The following SMOC1 variants were observed in gnomAD, a reference collection of about 807,000 sequenced individuals.
SMOC1 encodes the protein SPARC-related modular calcium-binding protein 1.
SMOC1 carries 22 observed loss-of-function variants against 56.3 expected under a neutral mutation model. That is an observed-to-expected ratio of 0.39 (90% CI 0.28 to 0.56). The LOEUF (loss-of-function observed/expected upper bound fraction) is 0.56. SMOC1 is among the 20% of genes least tolerant of loss of function. The pLI is 0.61. For synonymous variants in SMOC1, 193 were observed against 215.0 expected, an observed-to-expected ratio of 0.90 and a Z score of 0.89; for missense variants, 509 against 565.4, an observed-to-expected ratio of 0.90 and a Z score of 1.01.
At chr14:69,924,064 C>A (rs771896101) in intron 1 of SMOC1, among the ~76,000 whole-genome samples, 1 of 152,226 alleles carries the variant, frequency 6.6e-6, no homozygotes, top group Non-Finnish European at 1.5e-5. Context: ...CTACAGATAT[C>A]CAAGAAGCCT....
intron 11 of SMOC1, 94 bp from the exon 12 acceptor site, chr14:70,030,148 A>T: frequency 1.3e-6 from 2 of 1,573,948 alleles, no homozygotes; most frequent in Non-Finnish European, 1.7e-6. Flanking sequence ...TGATGGACAT[A>T]GCTGGATTTC....
At chr14:69,920,476 C>T (rs1198023021) in intron 1 of SMOC1, among the ~76,000 whole-genome samples, 1 of 152,190 alleles carries the variant, frequency 6.6e-6, no homozygotes, top group Non-Finnish European at 1.5e-5. Context: ...TCATACATCT[C>T]AACAGGTTCC....
At chr14:69,999,733 C>G (rs562630197) in intron 7 of SMOC1, among the ~76,000 whole-genome samples, 1 of 152,102 alleles carries the variant, frequency 6.6e-6, no homozygotes, top group African/African-American at 2.4e-5. Flanking sequence ...TTAAAATTTC[C>G]CTTTGCGGAG....
intron 3 of SMOC1, among the ~76,000 whole-genome samples, chr14:69,958,603 G>A (rs1883268170): frequency 6.6e-6 from 1 of 152,180 alleles, no homozygotes; most frequent in Admixed American, 6.5e-5. Context: ...AAAGTAAATT[G>A]GCACTGACTT....
At chr14:69,918,633 G>A (rs555358226) in intron 1 of SMOC1, among the ~76,000 whole-genome samples, 17 of 152,228 alleles carry the variant, frequency 1.1e-4, no homozygotes, top group African/African-American at 3.6e-4. Flanking sequence ...CAGAACTTCC[G>A]TGTGCCTTGG....
intron 5 of SMOC1, among the ~76,000 whole-genome samples, chr14:69,984,725 C>A (rs1301373823): frequency 6.7e-6 from 1 of 149,258 alleles, no homozygotes; most frequent in South Asian, 2.1e-4. Context: ...CATGGTGGCA[C>A]GTGCCTGTAA....
intron 11 of SMOC1, 58 bp from the exon 12 acceptor site, chr14:70,030,184 C>A: frequency 6.2e-7 from 1 of 1,605,360 alleles, no homozygotes; most frequent in Non-Finnish European, 8.5e-7. Flanking sequence ...TAACTTCTTG[C>A]TTATATCTGC....
intron 5 of SMOC1, among the ~76,000 whole-genome samples, chr14:69,980,791 TGCACCCTTGTGCAGG>T (rs1159811016): frequency 1.3e-5 from 2 of 152,200 alleles, no homozygotes; most frequent in Non-Finnish European, 2.9e-5. Context: ...GTGCTGGGTC[TGCACCCTTGTGCAGG>T]GTGATGGATA....
intron 3 of SMOC1, among the ~76,000 whole-genome samples, chr14:69,956,592 A>G (rs188240251): frequency 2.0e-5 from 3 of 152,064 alleles, no homozygotes; most frequent in Non-Finnish European, 2.9e-5. Context: ...CCTCTCTTGA[A>G]GTTTATGGGG....
chr14:69,960,527 G>A (rs1346541651), intron 3 of SMOC1, among the ~76,000 whole-genome samples: 2 of 151,942 alleles, frequency 1.3e-5, no homozygotes. Context: ...CATCCTTTAT[G>A]TACAGATGGT....
chr14:69,915,904 T>C (rs1311126409), intron 1 of SMOC1, among the ~76,000 whole-genome samples: 2 of 152,210 alleles, frequency 1.3e-5, no homozygotes, highest in Non-Finnish European at 2.9e-5. Flanking sequence ...GTATAGTTCC[T>C]CAGGGCTCAG....
intron 7 of SMOC1, among the ~76,000 whole-genome samples, chr14:70,000,058 A>G (rs1361702938): frequency 6.6e-6 from 1 of 152,190 alleles, no homozygotes; most frequent in African/African-American, 2.4e-5. Flanking sequence ...GATCTTGCCC[A>G]GGTATTGTCA....
At chr14:69,910,262 A>C (rs2181130) in intron 1 of SMOC1, among the ~76,000 whole-genome samples, 15,436 of 152,264 alleles carry the variant, frequency 0.1, 868 homozygotes, top group South Asian at 0.2. Context: ...CAGAGAATTC[A>C]AGAAAAGTAC....
chr14:69,984,676 C>T (rs1884299124), intron 5 of SMOC1, among the ~76,000 whole-genome samples: 1 of 137,938 alleles, frequency 7.2e-6, no homozygotes, highest in South Asian at 2.2e-4. Flanking sequence ...AACCCTATCT[C>T]TACTAAAAAA....
chr14:69,955,927 G>A (rs1039740986), intron 3 of SMOC1, among the ~76,000 whole-genome samples: 3 of 152,140 alleles, frequency 2.0e-5, no homozygotes, highest in Non-Finnish European at 2.9e-5. Context: ...TGTGGCCATC[G>A]GCTTTTTCTT....
At chr14:69,914,865 TATTCATTCATTCATTC>T (rs10699853) in intron 1 of SMOC1, among the ~76,000 whole-genome samples, 1 of 149,302 alleles carries the variant, frequency 6.7e-6, no homozygotes, top group African/African-American at 2.5e-5. Flanking sequence ...TAATTTATTT[TATTCATTCATTCATTC>T]ATTCATTCAT....
intron 1 of SMOC1, among the ~76,000 whole-genome samples, chr14:69,927,642 C>T (rs1044493839): frequency 3.3e-5 from 5 of 152,142 alleles, no homozygotes; most frequent in Non-Finnish European, 2.9e-5. Flanking sequence ...CGCCACTGCA[C>T]TCCAGCTTGG....
chr14:70,015,473 G>C (rs1221667979), intron 10 of SMOC1, among the ~76,000 whole-genome samples: 1 of 150,806 alleles, frequency 6.6e-6, no homozygotes, highest in African/African-American at 2.4e-5. Flanking sequence ...AAAAAAAAAC[G>C]AAAGAAGAAA....
chr14:69,896,871 G>T (rs867991769), intron 1 of SMOC1, among the ~76,000 whole-genome samples: 1 of 152,308 alleles, frequency 6.6e-6, no homozygotes, highest in African/African-American at 2.4e-5. Context: ...ATGGTAGGCT[G>T]TTTTCCTGAC....
Sources: allele counts gnomAD v4.1 joint callset (sites outside exome capture counted in the v4.1 genomes callset), GRCh38; gene constraint gnomAD v4.1.1; transcripts MANE v1.5; gene names NCBI Gene and HGNC (gene_info 2026-07-23, HGNC 2026-07-21).